ERAP1: variants seen among roughly 807,000 people sequenced by gnomAD.
ERAP1 encodes adipocyte-derived leucine aminopeptidase.
Under a neutral mutation model 103.7 loss-of-function variants are expected in ERAP1, and 86 were observed. The observed-to-expected ratio is 0.83, with a 90% CI of 0.70 to 0.99. ERAP1 has a LOEUF of 0.99. ERAP1 is among the 50% of genes least tolerant of loss of function. The pLI is 0.00. For missense variants in ERAP1, 1,009 were observed against 1,128.4 expected (o/e 0.89, Z 1.52); for synonymous variants, 398 against 402.4 (o/e 0.99, Z 0.13).
the ERAP1 span, among the ~76,000 whole-genome samples, chr5:96,921,500 G>T: frequency 6.6e-6 from 1 of 152,190 alleles, no homozygotes; most frequent in Non-Finnish European, 1.5e-5. Context: ...TTCATAGTGA[G>T]AAATCTTTAG....
chr5:96,891,572 T>TATAC, the ERAP1 span, among the ~76,000 whole-genome samples: 199 of 133,260 alleles, frequency 1.5e-3, 1 homozygote, highest in African/African-American at 5.3e-3. Context: ...ACATATATGG[T>TATAC]ACACACACAC....
rs1480976471 is a variant in ERAP1, at chr5:96,803,767, G to C, written c.160C>G (p.Leu54Val). 32 of 1,614,098 alleles carry C rather than the reference G, an allele frequency of 2.0e-5. No individual in the cohort carries two copies. The highest frequency in any genetic ancestry group is 2.7e-5 in the African/African-American group (2 of 74,932). ...TGAACTGGGATGACGTACTCAGGAAGTCGTATTTTATTCCAAGGAAATGGT... is the reference window on the plus strand; with the variant it reads ...TGAACTGGGATGACGTACTCAGGAACTCGTATTTTATTCCAAGGAAATGGT... ...GTPFPWNKIR[L>V]PEYVIPVHYD... The change falls in exon 2 of 19, where the codon CTT (leucine) becomes GTT (valine). Residue 54 changes from leucine to valine, a missense_variant. Physicochemically the swap from Leu to Val is conservative, Grantham distance 32. Coordinates refer to ENST00000443439, the MANE Select transcript of ERAP1 (RefSeq NM_001040458.3).
the ERAP1 span, among the ~76,000 whole-genome samples, chr5:96,813,470 T>C: frequency 4.6e-5 from 7 of 151,962 alleles, no homozygotes; most frequent in Middle Eastern, 3.4e-3. Flanking sequence ...CTGGCCAACA[T>C]GGTGAAACCC....
the ERAP1 span, among the ~76,000 whole-genome samples, chr5:96,866,958 C>T: frequency 6.6e-6 from 1 of 151,922 alleles, no homozygotes; most frequent in Admixed American, 6.6e-5. Context: ...GTGCTTATTT[C>T]CCTCCTTCTC....
the ERAP1 span, among the ~76,000 whole-genome samples, chr5:96,922,580 G>A: frequency 6.6e-6 from 1 of 152,220 alleles, no homozygotes; most frequent in African/African-American, 2.4e-5. Context: ...GGGCAAACAG[G>A]TAGAGAGACT....
chr5:96,872,831 A>G, the ERAP1 span, among the ~76,000 whole-genome samples: 2 of 152,180 alleles, frequency 1.3e-5, no homozygotes, highest in Non-Finnish European at 2.9e-5. Flanking sequence ...TTAAAAAATG[A>G]AGTCATTAAG....
the ERAP1 span, among the ~76,000 whole-genome samples, chr5:96,871,004 A>G: frequency 6.6e-6 from 1 of 152,320 alleles, no homozygotes; most frequent in East Asian, 1.9e-4. Context: ...GCTCATGTGC[A>G]TATTGATCAT....
the ERAP1 span, among the ~76,000 whole-genome samples, chr5:96,878,305 T>G: frequency 6.6e-6 from 1 of 152,176 alleles, no homozygotes; most frequent in Non-Finnish European, 1.5e-5. Flanking sequence ...AAACTGGGGA[T>G]AAATACCTAC....
chr5:96,877,861 A>AT, the ERAP1 span, among the ~76,000 whole-genome samples: 1 of 152,066 alleles, frequency 6.6e-6, no homozygotes, highest in Non-Finnish European at 1.5e-5. Flanking sequence ...AAGTATCTTT[A>AT]ATATTATTTT....
chr5:96,911,965 G>A, the ERAP1 span, among the ~76,000 whole-genome samples: 9 of 151,100 alleles, frequency 6.0e-5, no homozygotes, highest in East Asian at 1.4e-3. Context: ...TGAGGCGGGC[G>A]GATCACGAGG....
chr5:96,833,628 C>T, the ERAP1 span, among the ~76,000 whole-genome samples: 1 of 151,834 alleles, frequency 6.6e-6, no homozygotes, highest in Non-Finnish European at 1.5e-5. Context: ...CCTGACCTCA[C>T]CTTGTGTAAA....
chr5:96,906,185 C>CT, the ERAP1 span, among the ~76,000 whole-genome samples: 2 of 150,628 alleles, frequency 1.3e-5, no homozygotes, highest in East Asian at 1.9e-4. Flanking sequence ...GACACTGTCT[C>CT]TTTTTTTTTT....
the ERAP1 span, among the ~76,000 whole-genome samples, chr5:96,834,345 C>A: frequency 6.6e-6 from 1 of 152,176 alleles, no homozygotes; most frequent in Non-Finnish European, 1.5e-5. Flanking sequence ...TAGAGTTTGT[C>A]AAGCTTTCCA....
chr5:96,933,170 T>C, the ERAP1 span, among the ~76,000 whole-genome samples: 18 of 152,040 alleles, frequency 1.2e-4, no homozygotes, highest in African/African-American at 3.9e-4. Flanking sequence ...TCTGAAACAT[T>C]TCGTTTGTTT....
intron 3 of ERAP1, 64 bp from the exon 4 acceptor site, chr5:96,797,373 T>TTTATCATG: frequency 6.4e-7 from 1 of 1,560,518 alleles, no homozygotes; most frequent in Non-Finnish European, 8.8e-7. Context: ...ACATGATAAA[T>TTTATCATG]TTCCTAATTA....
the ERAP1 span, among the ~76,000 whole-genome samples, chr5:96,864,464 C>A: frequency 2.6e-4 from 40 of 152,138 alleles, no homozygotes; most frequent in South Asian, 6.2e-4. Context: ...GACAAGATGA[C>A]AGTGAAAAGT....
chr5:96,794,171 C>CTTTTTTT (rs35041937), intron 5 of ERAP1, among the ~76,000 whole-genome samples: 3 of 68,726 alleles, frequency 4.4e-5, no homozygotes, highest in Admixed American at 4.1e-4. Flanking sequence ...CATCTCAGGC[C>CTTTTTTT]TTTTTTTTTT....
the ERAP1 span, among the ~76,000 whole-genome samples, chr5:96,923,459 C>A: frequency 6.6e-6 from 1 of 152,128 alleles, no homozygotes; most frequent in East Asian, 1.9e-4. Context: ...CTTTGGGAGG[C>A]CGAGGCGGGC....
At chr5:96,840,784 C>T in the ERAP1 span, among the ~76,000 whole-genome samples, 1 of 151,706 alleles carries the variant, frequency 6.6e-6, no homozygotes, top group African/African-American at 2.4e-5. Flanking sequence ...CGGCTCACTG[C>T]AACCTCCGCC....
Sources: allele counts gnomAD v4.1 joint callset (sites outside exome capture counted in the v4.1 genomes callset), GRCh38; gene constraint gnomAD v4.1.1; transcripts MANE v1.5; gene names NCBI Gene and HGNC (gene_info 2026-07-23, HGNC 2026-07-21).